Variants in MAGI3 observed in about 807,000 individuals in gnomAD.
MAGI3 encodes membrane-associated guanylate kinase, WW and PDZ domain-containing protein 3.
Under a neutral mutation model 121.8 loss-of-function variants are expected in MAGI3, and 43 were observed. The ratio of observed to expected loss-of-function variants is 0.35; its 90% CI spans 0.28 to 0.46. MAGI3 has a LOEUF of 0.46. Among genes scored for constraint, MAGI3 ranks in the 20% least tolerant of loss-of-function variants. The probability of loss-of-function intolerance (pLI) is 1.00; values close to 1 mark genes in which losing one functional copy is unlikely to be tolerated. For synonymous variants in MAGI3, 553 were observed against 639.3 expected (o/e 0.86, Z 2.04); for missense variants, 1,547 against 1,797.3 (o/e 0.86, Z 2.52).
chr1:113,408,197 C>CT (rs1456544502), intron 1 of MAGI3, among the ~76,000 whole-genome samples: 2 of 152,052 alleles, frequency 1.3e-5, no homozygotes, highest in Non-Finnish European at 2.9e-5. Flanking sequence ...TGAAATTTCT[C>CT]TTTTTTTGCT....
intron 1 of MAGI3, among the ~76,000 whole-genome samples, chr1:113,474,557 A>G (rs557034253): frequency 1.3e-5 from 2 of 152,196 alleles, no homozygotes; most frequent in Non-Finnish European, 2.9e-5. Flanking sequence ...CAGGTTTGTC[A>G]AAGATCCGAT....
At chr1:113,676,465 A>G (rs1330492527) in intron 19 of MAGI3, among the ~76,000 whole-genome samples, 3 of 152,242 alleles carry the variant, frequency 2.0e-5, no homozygotes, top group Non-Finnish European at 4.4e-5. Flanking sequence ...TGATGAAATC[A>G]GCTTTTATTT....
chr1:113,653,765 A>G, intron 14 of MAGI3, 65 bp from the exon 15 acceptor site: 2 of 1,387,858 alleles, frequency 1.4e-6, no homozygotes, highest in Non-Finnish European at 1.9e-6. Flanking sequence ...CTTAGCATAA[A>G]AACACTTTAG....
At chr1:113,649,205 T>A (rs1653019433) in intron 12 of MAGI3, 32 bp from the exon 13 acceptor site, 2 of 1,513,714 alleles carry the variant, frequency 1.3e-6, no homozygotes, top group Non-Finnish European at 1.8e-6. Context: ...TTAAAATAAA[T>A]CATAGTATTT....
intron 1 of MAGI3, among the ~76,000 whole-genome samples, chr1:113,431,414 C>CA (rs1653293814): frequency 1.3e-5 from 2 of 151,670 alleles, no homozygotes; most frequent in Admixed American, 1.3e-4. Context: ...TGACACAGGG[C>CA]AGAGAGATGA....
At chr1:113,594,186 T>C in intron 5 of MAGI3, among the ~76,000 whole-genome samples, 1 of 152,234 alleles carries the variant, frequency 6.6e-6, no homozygotes, top group Middle Eastern at 3.2e-3. Context: ...CGCCCACCTT[T>C]TGAAACATTT....
chr1:113,637,602 G>C (rs988235009), intron 9 of MAGI3, among the ~76,000 whole-genome samples: 3 of 152,198 alleles, frequency 2.0e-5, no homozygotes, highest in Non-Finnish European at 2.9e-5. Flanking sequence ...GAGATCCACT[G>C]TTAGTCTGAT....
At chr1:113,540,661 A>G (rs1659249968) in intron 1 of MAGI3, among the ~76,000 whole-genome samples, 1 of 152,212 alleles carries the variant, frequency 6.6e-6, no homozygotes, top group Non-Finnish European at 1.5e-5. Context: ...CTCAGAAGTG[A>G]GAATATAGAT....
intron 7 of MAGI3, among the ~76,000 whole-genome samples, chr1:113,616,546 G>A (rs1650481978): frequency 6.6e-6 from 1 of 152,088 alleles, no homozygotes; most frequent in South Asian, 2.1e-4. Flanking sequence ...CAACTGCAGT[G>A]GTAGTTTTTC....
At position 113,683,192 on chromosome 1, in the gene MAGI3, A is replaced by T. The variant is rs761114078; in HGVS notation, c.3624A>T (p.Leu1208=). 6.2e-7 allele frequency: 1 copy of T among 1,613,980 alleles called. No individual in the cohort carries two copies. Among genetic ancestry groups the T allele is most frequent in the South Asian group, 1.1e-5 (1 of 91,058 alleles). The change falls in exon 21 of 21, where the codon CTA becomes CTT. Residue 1208 remains leucine (L), a synonymous_variant. Transcript: ENST00000307546. ...ATGGGCACAGTAACAAGAAAAATCT[A>T]TTAAAAGTAGAAAATGGTGTTACAC... ...SSHGHSNKKN[L]LKVENGVTRR...
intron 1 of MAGI3, chr1:113,450,232 G>C (rs1654408229): frequency 3.8e-6 from 6 of 1,598,182 alleles, no homozygotes; most frequent in Non-Finnish European, 5.1e-6. Flanking sequence ...AGTGAAAAAG[G>C]CCCTTTCTAA....
At chr1:113,468,642 C>T (rs1454397558) in intron 1 of MAGI3, among the ~76,000 whole-genome samples, 1 of 152,040 alleles carries the variant, frequency 6.6e-6, no homozygotes, top group Admixed American at 6.6e-5. Context: ...AAGTGTAAAA[C>T]ACATGCTGAA....
chr1:113,517,536 T>G (rs1657989161), intron 1 of MAGI3, among the ~76,000 whole-genome samples: 1 of 152,038 alleles, frequency 6.6e-6, no homozygotes, highest in Non-Finnish European at 1.5e-5. Flanking sequence ...AAGTACATAT[T>G]TACTTACCTT....
At chr1:113,491,505 G>A (rs1432214014) in intron 1 of MAGI3, among the ~76,000 whole-genome samples, 1 of 151,958 alleles carries the variant, frequency 6.6e-6, no homozygotes, top group Non-Finnish European at 1.5e-5. Flanking sequence ...AAGCTAGCAG[G>A]AAACAAGAAA....
chr1:113,590,552 A>C lies in MAGI3; in HGVS notation c.832A>C (p.Ser278Arg), dbSNP rs1648637769. The C allele has an allele frequency of 1.9e-6, 3 of 1,613,684 alleles. No individual in the cohort carries two copies. Among genetic ancestry groups the C allele is most frequent in the Non-Finnish European group, 2.5e-6 (3 of 1,179,728 alleles). ...KTVPSYNQTN[S>R]SMDFRNYMMR... is the part of the protein sequence containing the mutation. ...TGTTCCAAGTTACAACCAAACAAAT[A>C]GCTCCATGGACTTTAGAAATTATAT... Residue 278 changes from serine (S) to arginine (R), a missense_variant, in exon 5 of 21, where the codon AGC becomes CGC. Physicochemically the swap from Ser to Arg is moderately radical, Grantham distance 110. Coordinates refer to ENST00000307546, the MANE Select transcript of MAGI3 (RefSeq NM_001142782.2).
At chr1:113,456,296 C>T (rs1053025097) in intron 1 of MAGI3, among the ~76,000 whole-genome samples, 1 of 151,954 alleles carries the variant, frequency 6.6e-6, no homozygotes, top group African/African-American at 2.4e-5. Flanking sequence ...GATTTAGAAA[C>T]CCATCCTCTC....
At chr1:113,610,509 C>T (rs1650054457) in intron 6 of MAGI3, among the ~76,000 whole-genome samples, 1 of 152,094 alleles carries the variant, frequency 6.6e-6, no homozygotes, top group Non-Finnish European at 1.5e-5. Context: ...CGGCCAAGAG[C>T]TTGTTATTTA....
Position 113,466,416 on chromosome 1 carries a change from A to G in MAGI3, c.316+75067A>G, listed in dbSNP as rs569449593. The stretch of plus-strand genomic sequence containing the variant: ...TATTTTGTTGAGGATTTTTGCATCT[A>G]TGTTCATCAGTGATATTGGCCTGTA... On this transcript the variant is annotated intron_variant, in intron 1 of 20. Transcript: ENST00000307546. Among the ~76,000 whole-genome samples, 6 of 152,204 alleles carry G rather than the reference A, an allele frequency of 3.9e-5. No homozygotes were observed. The East Asian group carries it at 1.2e-3, about 29-fold the overall frequency.
intron 9 of MAGI3, among the ~76,000 whole-genome samples, chr1:113,623,645 G>A (rs1360205989): frequency 6.6e-6 from 1 of 151,678 alleles, no homozygotes; most frequent in African/African-American, 2.4e-5. Context: ...CCGCCACCAC[G>A]CCTGGCTAAT....
Sources: allele counts gnomAD v4.1 joint callset (sites outside exome capture counted in the v4.1 genomes callset), GRCh38; gene constraint gnomAD v4.1.1; transcripts MANE v1.5; gene names NCBI Gene and HGNC (gene_info 2026-07-23, HGNC 2026-07-21).